Variants in COL5A3 observed in about 807,000 individuals in gnomAD.
COL5A3 encodes the protein collagen alpha-3(V) chain.
A neutral mutation model predicts 250.0 loss-of-function variants in COL5A3; 172 were observed. That is an observed-to-expected ratio of 0.69 (90% CI 0.61 to 0.78). COL5A3 has a LOEUF of 0.78. Ranked by LOEUF, COL5A3 falls within the 30% of genes least tolerant of loss-of-function variation. The pLI, the probability that COL5A3 is intolerant of heterozygous loss-of-function variation, is 0.00. For missense variants in COL5A3, 2,340 were observed against 2,334.4 expected (o/e 1.00, Z -0.05); for synonymous variants, 937 against 900.4 (o/e 1.04, Z -0.73).
At position 9,976,564 on chromosome 19, in the gene COL5A3, A is replaced by C; in HGVS notation, c.3336T>G (p.Gly1112=). ...PGIRGPAGHP[G]PPGADGAQGR... is the part of the protein sequence containing the mutation. Reference sequence around the variant, plus strand: ...AAAAGATGGGGGCACTCACCGGGGGACCTGGGTGTCCTGCAGGACCCCGTA... The same window carrying C: ...AAAAGATGGGGGCACTCACCGGGGGCCCTGGGTGTCCTGCAGGACCCCGTA... The change falls in exon 45 of 67, where the codon GGT becomes GGG. Residue 1112 remains glycine (G), a synonymous_variant. Transcript: ENST00000264828. 6.4e-7 allele frequency: 1 copy of C among 1,567,638 alleles called. No individual in the cohort carries two copies. Among genetic ancestry groups the C allele is most frequent in the Non-Finnish European group, 8.6e-7 (1 of 1,164,044 alleles).
intron 37 of COL5A3, 24 bp downstream of exon 37, chr19:9,979,815 A>G (rs1357601565): frequency 2.5e-6 from 4 of 1,577,666 alleles, no homozygotes; most frequent in Non-Finnish European, 3.4e-6. Context: ...AGGATCAGGA[A>G]TCAAAGGTTG....
At chr19:9,978,139 A>C (rs1029154857) in intron 41 of COL5A3, among the ~76,000 whole-genome samples, 2 of 151,846 alleles carry the variant, frequency 1.3e-5, no homozygotes, top group African/African-American at 4.8e-5. Context: ...TTGATGGCCA[A>C]TGCACAGGTA....
chr19:9,968,242 G>T lies in COL5A3; in HGVS notation c.4314+143C>A. The T allele has an allele frequency of 5.2e-6, 5 of 966,670 alleles. No homozygotes were observed. The highest frequency in any genetic ancestry group is 3.2e-4 in the Middle Eastern group (1 of 3,124). The allele number at this position is 966,670 out of a possible 1,614,324, so 59.9% of individuals were successfully genotyped here. On this transcript the variant is annotated intron_variant, in intron 59 of 66. Transcript: ENST00000264828. This position sits in a 1 kb window ranked among gnomAD's most constrained non-coding sequence, Gnocchi z 4.1. ...AAACCCCAGACGCAGCCTCCAACTT[G>T]CCAGTTCCCAGATACATCCCCCTAT...
At position 9,993,054 on chromosome 19, in the gene COL5A3, G is replaced by T. The variant is rs373115754; in HGVS notation, c.1763C>A (p.Pro588His). ...GEDGERGAEG[P>H]PGPTGQAGEP... ...CCCAGCCTGGCCAGTGGGCCCTGGA[G>T]GTCCCTCTGCTCCCTGTGGAAAAGC... Residue 588 changes from proline (P) to histidine (H), a missense_variant, in exon 20 of 67, where the codon CCT (proline) becomes CAT (histidine). Transcript: ENST00000264828. 7.4e-6 allele frequency: 12 copies of T among 1,613,788 alleles called. No homozygotes were observed. The African/African-American group carries it at 1.5e-4, about 20-fold the overall frequency.
At chr19:9,983,773 GAAGA>G (rs2087055856) in intron 31 of COL5A3, among the ~76,000 whole-genome samples, 1 of 150,166 alleles carries the variant, frequency 6.7e-6, no homozygotes. Context: ...AGGAAGGAAG[GAAGA>G]AAGGAGGAAG....
In COL5A3 at chr19:10,006,403, G is replaced by A. The variant is rs114370247; in HGVS notation, c.89-172C>T. Among the ~76,000 whole-genome samples, 1,481 of 151,362 alleles carry A rather than the reference G, an allele frequency of 9.8e-3. 26 individuals carry two copies. The highest frequency in any genetic ancestry group is 0.033 in the African/African-American group (1,364 of 41,136). On this transcript the variant is annotated intron_variant, in intron 1 of 66. Transcript: ENST00000264828. ...CCGGCCTGGGCCCCCAGCACCCCCC[G>A]CCTCCTCACCACCCCACAGATGTTC... is the stretch of plus-strand genomic sequence containing the variant.
Position 9,966,354 on chromosome 19 carries a change from C to G in COL5A3, c.4742G>C (p.Gly1581Ala), listed in dbSNP as rs201817918. 14 of 1,609,052 alleles carry G rather than the reference C, an allele frequency of 8.7e-6. No individual in the cohort carries two copies. The African/African-American group carries it at 1.7e-4, about 20-fold the overall frequency. ...SFRVFCNFTA[G>A]GETCLYPDKK... is the part of the protein sequence containing the mutation. ...GTCGGGATAGAGGCAGGTCTCTCCT[C>G]CCGCCGTGAAGTTGCAAAAAACCCT... The change falls in exon 64 of 67, where the codon GGA becomes GCA. Residue 1581 changes from glycine to alanine, a missense_variant. By Grantham distance (60) the Gly-to-Ala change is moderately conservative. This residue lies in a region of COL5A3 where 1,179 missense variants were observed against 1,162.6 expected (regional missense o/e 1.01). Coordinates refer to ENST00000264828, the MANE Select transcript of COL5A3 (RefSeq NM_015719.4).
chr19:9,968,509 G>A lies in COL5A3; in HGVS notation c.4207-17C>T. ...AATGTGGCCCTGAAGGACAAAAGAG[G>A]CACAGACAGGGGAGGACGTGGGAGG... On this transcript the variant is annotated splice_polypyrimidine_tract_variant and intron_variant, in intron 58 of 66. Coordinates refer to ENST00000264828, the MANE Select transcript of COL5A3 (RefSeq NM_015719.4). This position sits in a 1 kb window ranked among gnomAD's most constrained non-coding sequence, Gnocchi z 4.1. 1.3e-6 allele frequency: 2 copies of A among 1,581,540 alleles called. No individual in the cohort carries two copies. Among genetic ancestry groups the A allele is most frequent in the Non-Finnish European group, 1.7e-6 (2 of 1,168,120 alleles).
intron 10 of COL5A3, 139 bp from the exon 11 acceptor site, chr19:9,997,572 T>G (rs2087291202): frequency 1.6e-6 from 1 of 614,360 alleles, no homozygotes; most frequent in Non-Finnish European, 2.9e-6. Flanking sequence ...AATGCAATAC[T>G]GACCCCCACT....
intron 21 of COL5A3, among the ~76,000 whole-genome samples, chr19:9,992,558 C>A (rs2087209707): frequency 6.6e-6 from 1 of 152,114 alleles, no homozygotes; most frequent in African/African-American, 2.4e-5. Flanking sequence ...GGGAGGACCA[C>A]TTGAGGCCAG....
intron 33 of COL5A3, 78 bp from the exon 34 acceptor site, chr19:9,980,937 C>A (rs2087000812): frequency 1.3e-6 from 2 of 1,530,230 alleles, no homozygotes; most frequent in African/African-American, 1.4e-5. Context: ...CTTCCAGGTC[C>A]CCTCCCCTTG....
chr19:9,981,676 CAG>C (rs2087011548), intron 32 of COL5A3, among the ~76,000 whole-genome samples: 1 of 152,174 alleles, frequency 6.6e-6, no homozygotes, highest in Non-Finnish European at 1.5e-5. Context: ...TCAGTGTGCA[CAG>C]AAACACACAC....
chr19:10,001,848 C>G lies in COL5A3; in HGVS notation c.883G>C (p.Ala295Pro), dbSNP rs143484911. ...STDIPKTETP[A>P]PNLPPTPTPL... ...GTGGGGGTCGGAGGCAGATTTGGAG[C>G]TGGAGTCTCTGTCTTGGGGATGTCA... Residue 295 changes from alanine to proline, a missense_variant, in exon 7 of 67, where the codon GCT becomes CCT. By Grantham distance (27) the Ala-to-Pro change is conservative (BLOSUM62 -1). Coordinates refer to ENST00000264828, the MANE Select transcript of COL5A3 (RefSeq NM_015719.4). The G allele has an allele frequency of 6.2e-7, 1 of 1,613,896 alleles. No homozygotes were observed. Among genetic ancestry groups the G allele is most frequent in the Non-Finnish European group, 8.5e-7 (1 of 1,179,986 alleles).
chr19:9,991,849 G>A lies in COL5A3; in HGVS notation c.1894-8C>T. On this transcript the variant is annotated splice_region_variant and splice_polypyrimidine_tract_variant and intron_variant, in intron 22 of 66. Transcript: ENST00000264828. ...TGGTTCTCCTGGAGGACCCTGGGGAGAAAGTGGGGTTTCAGTGAAGCTAAG... is the reference window on the plus strand; with the variant it reads ...TGGTTCTCCTGGAGGACCCTGGGGAAAAAGTGGGGTTTCAGTGAAGCTAAG... The A allele has an allele frequency of 6.2e-7, 1 of 1,608,406 alleles. No homozygotes were observed. Among genetic ancestry groups the A allele is most frequent in the Non-Finnish European group, 8.5e-7 (1 of 1,177,396 alleles).
At chr19:9,979,064 G>A in intron 39 of COL5A3, 68 bp downstream of exon 39, 1 of 1,478,368 alleles carries the variant, frequency 6.8e-7, no homozygotes. Flanking sequence ...CCTCCCCCAT[G>A]AGACTGATTC....
Position 10,009,790 on chromosome 19 carries a change from G to A in COL5A3, c.88+508C>T, listed in dbSNP as rs1381475740. Among the ~76,000 whole-genome samples the A allele has an allele frequency of 1.3e-5, 2 of 151,848 alleles. No individual in the cohort carries two copies. Among genetic ancestry groups the A allele is most frequent in the Non-Finnish European group, 2.9e-5 (2 of 67,984 alleles). On this transcript the variant is annotated intron_variant, in intron 1 of 66. Coordinates refer to ENST00000264828, the MANE Select transcript of COL5A3 (RefSeq NM_015719.4). The surrounding 1 kb of genome is among the most constrained non-coding windows in gnomAD (Gnocchi z 4.4). ...CCTTCATCCTCATGGGCAATTATTT[G>A]CACCCAAAAATCATAACTACACCCC...
chr19:10,002,020 A>G, intron 6 of COL5A3, 139 bp from the exon 7 acceptor site: 1 of 621,832 alleles, frequency 1.6e-6, no homozygotes, highest in Non-Finnish European at 2.9e-6. Flanking sequence ...CCAGAGGCCA[A>G]TGGAGACAAA....
At chr19:9,977,200 A>G in intron 44 of COL5A3, 29 bp downstream of exon 44, 1 of 1,568,230 alleles carries the variant, frequency 6.4e-7, no homozygotes. Flanking sequence ...TACCCACCCC[A>G]CCCTGCCCCA....
At position 9,960,102 on chromosome 19, in the gene COL5A3, G is replaced by T; in HGVS notation, c.*309C>A. On this transcript the variant is annotated 3_prime_UTR_variant, in exon 67 of 67. Transcript: ENST00000264828. ...GGGGGGGCTTTTGTTCATCAGCTCT[G>T]AGTTAGAAGCTCATTGCATGGGGGT... 1 of 380,134 alleles carries T rather than the reference G, an allele frequency of 2.6e-6. No individual in the cohort carries two copies. The allele number at this position is 380,134 out of a possible 1,614,324, so 23.5% of individuals were successfully genotyped here.
Sources: gnomAD v4.1 joint callset for allele counts (sites outside exome capture counted in the v4.1 genomes callset) on GRCh38, gnomAD v4.1.1 for gene constraint, gnomAD v4.1.1 regional missense constraint, Gnocchi (gnomAD v3.1) non-coding constraint, MANE v1.5 for transcripts, NCBI Gene and HGNC (gene_info 2026-07-23, HGNC 2026-07-21) for gene names.